Variants in BTBD7 observed in about 807,000 individuals in gnomAD.
BTBD7 encodes BTB domain containing 7.
A neutral mutation model predicts 99.9 loss-of-function variants in BTBD7; 38 were observed. That is an observed-to-expected ratio of 0.38 (90% CI 0.29 to 0.50). The LOEUF (loss-of-function observed/expected upper bound fraction) is 0.50. Ranked by LOEUF, BTBD7 falls within the 20% of genes least tolerant of loss-of-function variation. The pLI, the probability that BTBD7 is intolerant of heterozygous loss-of-function variation, is 0.93. For missense variants in BTBD7, 1,170 were observed against 1,394.6 expected (o/e 0.84, Z 2.57); for synonymous variants, 520 against 511.4 (o/e 1.02, Z -0.23).
intron 3 of BTBD7, among the ~76,000 whole-genome samples, chr14:93,286,041 A>G (rs1226044352): frequency 6.6e-6 from 1 of 152,148 alleles, no homozygotes; most frequent in Non-Finnish European, 1.5e-5. Context: ...TGGCCACTAA[A>G]GCTCCTACAT....
chr14:93,262,277 C>T (rs1176817422), intron 4 of BTBD7, among the ~76,000 whole-genome samples: 5 of 152,056 alleles, frequency 3.3e-5, no homozygotes, highest in Non-Finnish European at 4.4e-5. Flanking sequence ...GGACTACAGG[C>T]GCCCGCCACC....
At chr14:93,268,913 C>T (rs754013937) in intron 3 of BTBD7, among the ~76,000 whole-genome samples, 10 of 152,092 alleles carry the variant, frequency 6.6e-5, no homozygotes, top group Non-Finnish European at 1.0e-4. Context: ...CACCCACCAT[C>T]ATGCCCGGCT....
At chr14:93,272,907 C>T (rs899038675) in intron 3 of BTBD7, among the ~76,000 whole-genome samples, 1 of 152,174 alleles carries the variant, frequency 6.6e-6, no homozygotes, top group Admixed American at 6.5e-5. Flanking sequence ...CTCAATGACA[C>T]ACTCTTGTAC....
At chr14:93,304,113 A>C (rs908165984) in intron 1 of BTBD7, among the ~76,000 whole-genome samples, 1 of 152,348 alleles carries the variant, frequency 6.6e-6, no homozygotes, top group African/African-American at 2.4e-5. Flanking sequence ...TGCAAGACAG[A>C]CTGCAGAACT....
intron 3 of BTBD7, among the ~76,000 whole-genome samples, chr14:93,279,311 G>T (rs141888904): frequency 5.3e-5 from 8 of 152,220 alleles, no homozygotes; most frequent in Middle Eastern, 3.4e-3. Context: ...AGGCCTAGCT[G>T]TCATTTATCT....
intron 3 of BTBD7, among the ~76,000 whole-genome samples, chr14:93,279,138 T>C (rs1300080149): frequency 2.0e-5 from 3 of 152,238 alleles, no homozygotes; most frequent in Non-Finnish European, 1.5e-5. Flanking sequence ...AGAGAGCTTT[T>C]AGAAAATACA....
chr14:93,246,198 C>A lies in BTBD7; in HGVS notation c.2210G>T (p.Ser737Ile). ...AAACATGGTTTCTGCAGGAGGTGTA[C>A]TGTTTACGCGACATCTCCCAGGCTG... ...MRQPGRCRVN[S>I]TPPAETMFTD... The change falls in exon 10 of 11, where the codon AGT (serine) becomes ATT (isoleucine). Residue 737 changes from serine to isoleucine, a missense_variant. Ser to Ile is a moderately radical substitution (Grantham distance 142). This residue lies in a region of BTBD7 where 495 missense variants were observed against 525.9 expected (regional missense o/e 0.94). Transcript: ENST00000334746. The A allele has an allele frequency of 6.2e-7, 1 of 1,611,406 alleles. No homozygotes were observed. Among genetic ancestry groups the A allele is most frequent in the South Asian group, 1.1e-5 (1 of 90,688 alleles).
At position 93,243,337 on chromosome 14, in the gene BTBD7, G is replaced by A. The variant is rs528376575; in HGVS notation, c.2584-249C>T. ...GCCTCCTGACTAGCTGGGATTACAG[G>A]TGCCCGCCACCACGCCCAGCTAATT... On this transcript the variant is annotated intron_variant, in intron 10 of 10. Coordinates refer to ENST00000334746, the MANE Select transcript of BTBD7 (RefSeq NM_001002860.4). Among the ~76,000 whole-genome samples the A allele has an allele frequency of 2.2e-4, 33 of 152,172 alleles. No homozygotes were observed. In the South Asian group the frequency reaches 3.5e-3, roughly 16 times the overall value.
chr14:93,242,963 T>C lies in BTBD7; in HGVS notation c.2709A>G (p.Glu903=), dbSNP rs1473377429. 4 of 1,614,176 alleles carry C rather than the reference T, an allele frequency of 2.5e-6. No homozygotes were observed. In the Admixed American group the frequency reaches 5.0e-5, roughly 20 times the overall value. ...GATGCTGGGGAGGCCCTGGTCCTGCTTCAGAAACTGACTGGCTTAATTCTG... is the reference window on the plus strand; with the variant it reads ...GATGCTGGGGAGGCCCTGGTCCTGCCTCAGAAACTGACTGGCTTAATTCTG... The part of the protein sequence containing the change: ...VDTELSQSVS[E]AGPGPPQHLS... The change falls in exon 11 of 11, where the codon GAA becomes GAG. Residue 903 remains glutamate (E), a synonymous_variant. Transcript: ENST00000334746.
chr14:93,278,169 T>G (rs1362752154), intron 3 of BTBD7, among the ~76,000 whole-genome samples: 1 of 152,154 alleles, frequency 6.6e-6, no homozygotes, highest in Non-Finnish European at 1.5e-5. Context: ...TCCCAGCACT[T>G]TGGGAAGCCG....
Position 93,296,110 on chromosome 14 carries a change from C to T in BTBD7, c.-59G>A, listed in dbSNP as rs2052923741. 2.5e-5 allele frequency: 39 copies of T among 1,565,088 alleles called. 1 individual carries two copies. In the South Asian group the frequency reaches 4.6e-4, roughly 18 times the overall value. On this transcript the variant is annotated 5_prime_UTR_variant, in exon 2 of 11. Coordinates refer to ENST00000334746, the MANE Select transcript of BTBD7 (RefSeq NM_001002860.4). ...TTCTTCAGAGTATAATCCCAGAGGC[C>T]TTTATGAACCTTCAACCCTGGATCC...
chr14:93,325,874 C>A (rs1424994355), intron 1 of BTBD7, among the ~76,000 whole-genome samples: 1 of 152,110 alleles, frequency 6.6e-6, no homozygotes, highest in Non-Finnish European at 1.5e-5. Context: ...CCATCTATTT[C>A]AATCTTAACA....
chr14:93,314,004 G>C (rs969790470), intron 1 of BTBD7, among the ~76,000 whole-genome samples: 17 of 151,608 alleles, frequency 1.1e-4, no homozygotes, highest in African/African-American at 4.1e-4. Context: ...CCTCAGCTTT[G>C]CAAAGCACTG....
At chr14:93,295,359 G>A (rs2052912803) in intron 2 of BTBD7, among the ~76,000 whole-genome samples, 1 of 152,072 alleles carries the variant, frequency 6.6e-6, no homozygotes, top group Non-Finnish European at 1.5e-5. Context: ...TCCTGTCCTG[G>A]CCTCATGCAA....
chr14:93,300,760 GTGTGTGTGTGTGTATATATATA>G (rs1566857136), intron 1 of BTBD7, among the ~76,000 whole-genome samples: 1 of 36,454 alleles, frequency 2.7e-5, no homozygotes. Context: ...GTGTGTGTGT[GTGTGTGTGTGTGTATATATATA>G]TATATTTTTT....
At chr14:93,261,784 T>C (rs2052491995) in intron 4 of BTBD7, 107 bp from the exon 5 acceptor site, 1 of 769,578 alleles carries the variant, frequency 1.3e-6, no homozygotes, top group Non-Finnish European at 2.1e-6. Flanking sequence ...CTTACCATGT[T>C]TCACTCTTTC....
At chr14:93,303,133 A>G (rs1162538671) in intron 1 of BTBD7, among the ~76,000 whole-genome samples, 1 of 152,252 alleles carries the variant, frequency 6.6e-6, no homozygotes, top group Non-Finnish European at 1.5e-5. Flanking sequence ...TACTTCTGTT[A>G]CAGAAAGACT....
intron 1 of BTBD7, among the ~76,000 whole-genome samples, chr14:93,308,728 G>A (rs902368274): frequency 2.0e-5 from 3 of 152,190 alleles, no homozygotes; most frequent in African/African-American, 7.2e-5. Context: ...AGAACATTAT[G>A]TTAAGTGAAA....
At chr14:93,308,616 T>G (rs1452360130) in intron 1 of BTBD7, among the ~76,000 whole-genome samples, 1 of 152,126 alleles carries the variant, frequency 6.6e-6, no homozygotes, top group Non-Finnish European at 1.5e-5. Context: ...TGTCCACAGA[T>G]AGATGAATGG....
Sources: allele counts gnomAD v4.1 joint callset (sites outside exome capture counted in the v4.1 genomes callset), GRCh38; gene constraint gnomAD v4.1.1; regional missense constraint gnomAD v4.1.1; transcripts MANE v1.5; gene names NCBI Gene and HGNC (gene_info 2026-07-23, HGNC 2026-07-21).